The following DNTTIP1 variants were observed in gnomAD, a reference collection of about 807,000 sequenced individuals.
DNTTIP1 encodes the protein deoxynucleotidyltransferase terminal interacting protein 1.
DNTTIP1 carries 22 observed loss-of-function variants against 52.9 expected under a neutral mutation model. That is an observed-to-expected ratio of 0.42 (90% confidence interval 0.30 to 0.59). The LOEUF (loss-of-function observed/expected upper bound fraction) is 0.59. DNTTIP1 is among the 20% of genes least tolerant of loss of function. The pLI, the probability that DNTTIP1 is intolerant of heterozygous loss-of-function variation, is 0.22. For missense variants in DNTTIP1, 286 were observed against 435.5 expected (o/e 0.66, Z 3.06); for synonymous variants, 136 against 155.1 (o/e 0.88, Z 0.92).
intron 2 of DNTTIP1, 86 bp downstream of exon 2, chr20:45,792,833 A>G: frequency 8.2e-7 from 1 of 1,214,758 alleles, no homozygotes; most frequent in Non-Finnish European, 1.1e-6. Flanking sequence ...GGCTATGGAG[A>G]TCTACAGCCG....
chr20:45,809,188 A>G lies in DNTTIP1; in HGVS notation c.795+3A>G. The stretch of plus-strand genomic sequence containing the variant: ...TGCGGGCAACAGGGGGCAAGATGGT[A>G]AGCATTATTCATTTGTGCCACTGCC... On this transcript the variant is annotated splice_donor_region_variant and intron_variant, in intron 11 of 12. Coordinates refer to ENST00000372622, the MANE Select transcript of DNTTIP1 (RefSeq NM_052951.3). This position sits in a 1 kb window ranked among gnomAD's most constrained non-coding sequence, Gnocchi z 4.2. 6.2e-7 allele frequency: 1 copy of G among 1,613,864 alleles called. No individual in the cohort carries two copies. Among genetic ancestry groups the G allele is most frequent in the Non-Finnish European group, 8.5e-7 (1 of 1,179,936 alleles).
At position 45,794,011 on chromosome 20, in the gene DNTTIP1, C is replaced by T; in HGVS notation, c.267C>T (p.Tyr89=). ...NEEIQTVFNK[Y]MKFFQKAALN... is the part of the protein sequence containing the mutation. Reference sequence around the variant, plus strand: ...AGATCCAGACTGTCTTCAACAAGTACATGAAGGTGAGAGGGACACAGGATA... The same window carrying T: ...AGATCCAGACTGTCTTCAACAAGTATATGAAGGTGAGAGGGACACAGGATA... The change falls in exon 3 of 13, where the codon TAC becomes TAT. Residue 89 remains tyrosine, a synonymous_variant. Coordinates refer to ENST00000372622, the MANE Select transcript of DNTTIP1 (RefSeq NM_052951.3). 2 of 1,588,652 alleles carry T rather than the reference C, an allele frequency of 1.3e-6. No homozygotes were observed. The highest frequency in any genetic ancestry group is 1.7e-6 in the Non-Finnish European group (2 of 1,165,910).
At chr20:45,805,531 C>T (rs1266152672) in intron 10 of DNTTIP1, among the ~76,000 whole-genome samples, 165 bp downstream of exon 10, 1 of 152,174 alleles carries the variant, frequency 6.6e-6, no homozygotes, top group Non-Finnish European at 1.5e-5. Flanking sequence ...TACTCAACAC[C>T]TCTGTGCCTC....
In DNTTIP1 at chr20:45,809,246, G is replaced by A; in HGVS notation, c.795+61G>A. The A allele has an allele frequency of 6.6e-7, 1 of 1,504,702 alleles. No homozygotes were observed. Among genetic ancestry groups the A allele is most frequent in the Non-Finnish European group, 9.2e-7 (1 of 1,082,956 alleles). 93.2% of individuals were successfully genotyped at this position (1,504,702 alleles called of 1,614,324 possible). ...CACCCCACCTGGGAACCAGGATTTT[G>A]GCTGTGGGTGACAGCCTACCTCCAA... On this transcript the variant is annotated intron_variant, in intron 11 of 12. Transcript: ENST00000372622. This position sits in a 1 kb window ranked among gnomAD's most constrained non-coding sequence, Gnocchi z 4.2.
At chr20:45,799,129 GATA>G (rs1981340180) in intron 4 of DNTTIP1, among the ~76,000 whole-genome samples, 1 of 152,204 alleles carries the variant, frequency 6.6e-6, no homozygotes, top group Admixed American at 6.6e-5. Flanking sequence ...GAGCTCAGAG[GATA>G]ACCTTTTGTC....
At chr20:45,793,624 C>T (rs1439767418) in intron 2 of DNTTIP1, among the ~76,000 whole-genome samples, 1 of 152,082 alleles carries the variant, frequency 6.6e-6, no homozygotes, top group Non-Finnish European at 1.5e-5. Flanking sequence ...TGCTTGAACC[C>T]AGGAGGCAGA....
rs570680658 is a variant in DNTTIP1 at position 45,794,252 on chromosome 20, G to A, written c.273+235G>A. Among the ~76,000 whole-genome samples the A allele has an allele frequency of 2.0e-5, 3 of 152,250 alleles. No homozygotes were observed. In the South Asian group the frequency reaches 6.2e-4, roughly 32 times the overall value. ...CAACCTCCACTTCCCAGGTTCCAGC[G>A]ATTCTCATGCCTCAGCCTCCCTAGT... On this transcript the variant is annotated intron_variant, in intron 3 of 12. Coordinates refer to ENST00000372622, the MANE Select transcript of DNTTIP1 (RefSeq NM_052951.3).
rs1981148139 is a variant in DNTTIP1, at chr20:45,794,135, G to T, written c.273+118G>T. On this transcript the variant is annotated intron_variant, in intron 3 of 12. Transcript: ENST00000372622. ...CAGATATCTAAAGTTTTCCTTTCTT[G>T]TTGTTTTTGTTTTGTTTTGTTTTGT... 8.8e-6 allele frequency: 5 copies of T among 566,400 alleles called. No homozygotes were observed. The South Asian group carries it at 2.0e-4, about 23-fold the overall frequency. 35.1% of individuals were successfully genotyped at this position (566,400 alleles called of 1,614,324 possible).
chr20:45,800,780 G>T (rs1465173023), intron 4 of DNTTIP1, among the ~76,000 whole-genome samples: 2 of 134,026 alleles, frequency 1.5e-5, no homozygotes, highest in Non-Finnish European at 3.1e-5. Context: ...GATCACTTGA[G>T]GTCAGGAGTT....
rs1981830188 is a variant in DNTTIP1, at chr20:45,811,105, C to T, written c.900C>T (p.Pro300=). The T allele has an allele frequency of 6.2e-7, 1 of 1,614,166 alleles. No homozygotes were observed. Residue 300 remains proline (P), a synonymous_variant, in exon 13 of 13, where the codon CCC becomes CCT. Coordinates refer to ENST00000372622, the MANE Select transcript of DNTTIP1 (RefSeq NM_052951.3). ...KLEELKSFVL[P]SWMVEKMRKY... ...AGGAATTGAAATCCTTTGTCCTACC[C>T]TCCTGGATGGTGGAGAAGATGAGAA... is the stretch of plus-strand genomic sequence containing the variant.
At chr20:45,796,642 A>G (rs1348095135) in intron 4 of DNTTIP1, 5 of 450,272 alleles carry the variant, frequency 1.1e-5, no homozygotes, top group Non-Finnish European at 1.8e-5. Flanking sequence ...TGTTGCCATC[A>G]CCATTTTATA....
chr20:45,792,739 GACA>G lies in DNTTIP1; in HGVS notation c.173_175del (p.Thr58del), dbSNP rs1981074556. ...AGCGGAGGGGCCGCCGCTCACAGAT[GACA>G]ACAAGGTAAGGCTGGCCCTGCATGG... On this transcript the variant is annotated inframe_deletion, in exon 2 of 13. Coordinates refer to ENST00000372622, the MANE Select transcript of DNTTIP1 (RefSeq NM_052951.3). The G allele has an allele frequency of 1.9e-6, 3 of 1,612,140 alleles. No individual in the cohort carries two copies. The highest frequency in any genetic ancestry group is 2.5e-6 in the Non-Finnish European group (3 of 1,179,152).
intron 4 of DNTTIP1, chr20:45,796,705 T>C (rs1981251276): frequency 5.3e-6 from 2 of 376,208 alleles, no homozygotes; most frequent in South Asian, 2.0e-5. Flanking sequence ...TCTCACCTCC[T>C]ATTCATTCTC....
chr20:45,797,383 A>C (rs535215632), intron 4 of DNTTIP1, among the ~76,000 whole-genome samples: 1 of 152,342 alleles, frequency 6.6e-6, no homozygotes, highest in South Asian at 2.1e-4. Flanking sequence ...AAACCCTAGA[A>C]GAAAACCTAG....
intron 4 of DNTTIP1, among the ~76,000 whole-genome samples, chr20:45,800,577 G>A (rs886993018): frequency 4.0e-5 from 6 of 150,396 alleles, no homozygotes; most frequent in Admixed American, 2.6e-4. Context: ...GGGAGGCTGA[G>A]GCAGGAGAAT....
intron 10 of DNTTIP1, among the ~76,000 whole-genome samples, chr20:45,807,744 C>G (rs1469318605): frequency 6.6e-6 from 1 of 151,998 alleles, no homozygotes; most frequent in Admixed American, 6.6e-5. Flanking sequence ...GTCAGGAGTT[C>G]AAGGCCAGCC....
At chr20:45,802,559 C>T (rs1981509617) in intron 7 of DNTTIP1, among the ~76,000 whole-genome samples, 1 of 152,016 alleles carries the variant, frequency 6.6e-6, no homozygotes, top group Non-Finnish European at 1.5e-5. Flanking sequence ...CCCGTATACT[C>T]CCTGACCCTA....
chr20:45,794,636 C>T (rs968501699), intron 3 of DNTTIP1, among the ~76,000 whole-genome samples: 13 of 151,580 alleles, frequency 8.6e-5, no homozygotes, highest in Non-Finnish European at 1.3e-4. Context: ...AATAAGTATT[C>T]TTATTAGTTG....
At position 45,805,117 on chromosome 20, in the gene DNTTIP1, C is replaced by G. The variant is rs1426844195; in HGVS notation, c.604-29C>G. ...TCCTACCCATCAGATTAAACTTCAC[C>G]CTCACGAGCTTCTCTATTTTTTGCA... On this transcript the variant is annotated intron_variant, in intron 8 of 12. Coordinates refer to ENST00000372622, the MANE Select transcript of DNTTIP1 (RefSeq NM_052951.3). 9 of 1,605,858 alleles carry G rather than the reference C, an allele frequency of 5.6e-6. No individual in the cohort carries two copies. The East Asian group carries it at 1.8e-4, about 32-fold the overall frequency.
Sources: allele counts gnomAD v4.1 joint callset (sites outside exome capture counted in the v4.1 genomes callset), GRCh38; gene constraint gnomAD v4.1.1; non-coding constraint Gnocchi (gnomAD v3.1); transcripts MANE v1.5; gene names NCBI Gene and HGNC (gene_info 2026-07-23, HGNC 2026-07-21).